Variants in APCDD1L observed in about 807,000 individuals in gnomAD.
APCDD1L encodes APC down-regulated 1 like.
APCDD1L carries 21 observed loss-of-function variants against 24.2 expected under a neutral mutation model. That is an observed-to-expected ratio of 0.87 (90% CI 0.61 to 1.25). The LOEUF is 1.25. APCDD1L is among the 50% of genes most tolerant of loss of function. The pLI is 0.00. For missense variants in APCDD1L, 704 were observed against 711.7 expected (o/e 0.99, Z 0.12); for synonymous variants, 321 against 323.6 (o/e 0.99, Z 0.09).
At chr20:58,487,534 T>C (rs1990143685) in intron 1 of APCDD1L, among the ~76,000 whole-genome samples, 1 of 152,132 alleles carries the variant, frequency 6.6e-6, no homozygotes, top group Non-Finnish European at 1.5e-5. Context: ...ACAGAGATTA[T>C]CTAATTGGAT....
chr20:58,467,264 C>T lies in APCDD1L; in HGVS notation c.583G>A (p.Glu195Lys), dbSNP rs1349639669. The T allele has an allele frequency of 5.1e-6, 8 of 1,575,828 alleles. No homozygotes were observed. Among genetic ancestry groups the T allele is most frequent in the East Asian group, 2.3e-5 (1 of 43,188 alleles). Residue 195 changes from glutamate to lysine, a missense_variant, in exon 3 of 4, where the codon GAG becomes AAG. Coordinates refer to ENST00000371149, the MANE Select transcript of APCDD1L (RefSeq NM_153360.3). The surrounding 1 kb of genome is among the most constrained non-coding windows in gnomAD (Gnocchi z 5.9). Reference sequence around the variant, plus strand: ...CGCTGCACGCGGACCAGGCTGAGCTCGTGCATGGTGAGGCCCAGCGCCTCC... The same window carrying T: ...CGCTGCACGCGGACCAGGCTGAGCTTGTGCATGGTGAGGCCCAGCGCCTCC... ...CLEALGLTMH[E>K]LSLVRVQRRL...
chr20:58,467,226 C>A lies in APCDD1L; in HGVS notation c.621G>T (p.Pro207=), dbSNP rs916247571. 3 of 1,596,242 alleles carry A rather than the reference C, an allele frequency of 1.9e-6. No homozygotes were observed. The highest frequency in any genetic ancestry group is 2.6e-6 in the Non-Finnish European group (3 of 1,176,354). Residue 207 remains proline (P), a synonymous_variant, in exon 3 of 4, where the codon CCG becomes CCT. Coordinates refer to ENST00000371149, the MANE Select transcript of APCDD1L (RefSeq NM_153360.3). This position sits in a 1 kb window ranked among gnomAD's most constrained non-coding sequence, Gnocchi z 5.9. ...CCAGCCGGGGCGACGCCCGGGGCTGCGGCTGCAGGCGGCGCTGCACGCGGA... is the reference window on the plus strand; with the variant it reads ...CCAGCCGGGGCGACGCCCGGGGCTGAGGCTGCAGGCGGCGCTGCACGCGGA... The part of the protein sequence containing the change: ...SLVRVQRRLQ[P]QPRASPRLVE...
chr20:58,499,700 C>T (rs1990394506), intron 1 of APCDD1L, among the ~76,000 whole-genome samples: 2 of 152,238 alleles, frequency 1.3e-5, no homozygotes, highest in South Asian at 4.1e-4. Context: ...AATGCCCCTT[C>T]ACACCCTGCT....
intron 3 of APCDD1L, among the ~76,000 whole-genome samples, chr20:58,465,107 C>T (rs1989683083): frequency 2.0e-5 from 3 of 152,178 alleles, no homozygotes; most frequent in Non-Finnish European, 2.9e-5. Flanking sequence ...GTCCTCTCTG[C>T]ATTCAGAGCA....
chr20:58,468,789 A>T (rs775010772), intron 2 of APCDD1L, among the ~76,000 whole-genome samples: 15 of 152,100 alleles, frequency 9.9e-5, no homozygotes, highest in Middle Eastern at 3.4e-3. Flanking sequence ...GCTGATTTTG[A>T]ACTCCTGACC....
rs1989717935 is a variant in APCDD1L, at chr20:58,467,010, G to A, written c.741+96C>T. 1.3e-5 allele frequency: 18 copies of A among 1,439,750 alleles called. No individual in the cohort carries two copies. Among genetic ancestry groups the A allele is most frequent in the Admixed American group, 2.4e-5 (1 of 41,712 alleles). The allele number at this position is 1,439,750 out of a possible 1,614,324, so 89.2% of individuals were successfully genotyped here. Reference sequence around the variant, plus strand: ...GACAGCCGGGCAGCCAGAGCCCTGGGCAGGCCCAGGTCTTGCAAAGCTGCG... The same window carrying A: ...GACAGCCGGGCAGCCAGAGCCCTGGACAGGCCCAGGTCTTGCAAAGCTGCG... On this transcript the variant is annotated intron_variant, in intron 3 of 3. Coordinates refer to ENST00000371149, the MANE Select transcript of APCDD1L (RefSeq NM_153360.3). The surrounding 1 kb of genome is among the most constrained non-coding windows in gnomAD (Gnocchi z 5.9).
intron 1 of APCDD1L, among the ~76,000 whole-genome samples, chr20:58,477,103 T>TTCTA (rs1487620790): frequency 2.0e-5 from 3 of 152,086 alleles, no homozygotes; most frequent in African/African-American, 7.2e-5. Flanking sequence ...GTAGAAAGAG[T>TTCTA]TCTAGTGTAT....
Position 58,508,098 on chromosome 20 carries a change from C to T in APCDD1L, c.49+6561G>A, listed in dbSNP as rs528860854. Reference sequence around the variant, plus strand: ...AGAATTTAGCAAACACACTTTGCCACGGCAATTCCACTGCTAGGTATTTCC... The same window carrying T: ...AGAATTTAGCAAACACACTTTGCCATGGCAATTCCACTGCTAGGTATTTCC... On this transcript the variant is annotated intron_variant, in intron 1 of 3. Coordinates refer to ENST00000371149, the MANE Select transcript of APCDD1L (RefSeq NM_153360.3). This position sits in a 1 kb window ranked among gnomAD's most constrained non-coding sequence, Gnocchi z 4.0. 6.0e-4 allele frequency among the ~76,000 whole-genome samples: 92 copies of T among 152,352 alleles called. No individual in the cohort carries two copies. The highest frequency in any genetic ancestry group is 2.0e-3 in the African/African-American group (83 of 41,588).
intron 1 of APCDD1L, among the ~76,000 whole-genome samples, chr20:58,492,872 A>C (rs1990246508): frequency 1.3e-5 from 2 of 151,934 alleles, no homozygotes; most frequent in Non-Finnish European, 1.5e-5. Flanking sequence ...ATGCACTCAC[A>C]CACAATGCAA....
At position 58,467,220 on chromosome 20, in the gene APCDD1L, G is replaced by A. The variant is rs1301419273; in HGVS notation, c.627C>T (p.Pro209=). Residue 209 remains proline, a synonymous_variant, in exon 3 of 4, where the codon CCC becomes CCT. Transcript: ENST00000371149. The surrounding 1 kb of genome is among the most constrained non-coding windows in gnomAD (Gnocchi z 5.9). ...CCTCCACCAGCCGGGGCGACGCCCG[G>A]GGCTGCGGCTGCAGGCGGCGCTGCA... ...VRVQRRLQPQ[P]RASPRLVEEL... is the part of the protein sequence containing the mutation. The A allele has an allele frequency of 1.2e-6, 2 of 1,601,348 alleles. No individual in the cohort carries two copies. Among genetic ancestry groups the A allele is most frequent in the Admixed American group, 1.7e-5 (1 of 59,756 alleles).
intron 2 of APCDD1L, among the ~76,000 whole-genome samples, chr20:58,468,682 C>T (rs1989761520): frequency 6.6e-6 from 1 of 152,174 alleles, no homozygotes; most frequent in African/African-American, 2.4e-5. Context: ...ATTCTCCTGC[C>T]TCAGTCTCCC....
Position 58,514,922 on chromosome 20 carries a change from C to T in APCDD1L, c.-215G>A. 5.3e-6 allele frequency: 2 copies of T among 379,830 alleles called. No individual in the cohort carries two copies. Among genetic ancestry groups the T allele is most frequent in the Non-Finnish European group, 9.3e-6 (2 of 216,124 alleles). The allele number at this position is 379,830 out of a possible 1,614,324, so 23.5% of individuals were successfully genotyped here. A position where few individuals can be genotyped will look rare whatever the true frequency, so the allele number is the denominator to read the frequency against. ...CGGAGCTGCGCACTCATAGGTCCAA[C>T]TTGCCAGAAGAGGTGGAGACAGCCC... On this transcript the variant is annotated 5_prime_UTR_variant, in exon 1 of 4. Coordinates refer to ENST00000371149, the MANE Select transcript of APCDD1L (RefSeq NM_153360.3).
chr20:58,503,029 G>A (rs1990470991), intron 1 of APCDD1L, among the ~76,000 whole-genome samples: 1 of 152,178 alleles, frequency 6.6e-6, no homozygotes, highest in Admixed American at 6.5e-5. Flanking sequence ...CCGGAAGTCA[G>A]GCTTCCCCTA....
At chr20:58,463,223 C>T (rs1346200368) in intron 3 of APCDD1L, among the ~76,000 whole-genome samples, 2 of 151,502 alleles carry the variant, frequency 1.3e-5, no homozygotes, top group Admixed American at 6.6e-5. Flanking sequence ...GTTGAAATCT[C>T]GTAAAGAGCT....
intron 1 of APCDD1L, among the ~76,000 whole-genome samples, chr20:58,514,247 G>A (rs1990691577): frequency 6.6e-6 from 1 of 152,118 alleles, no homozygotes; most frequent in South Asian, 2.1e-4. Context: ...AGGATTCCGT[G>A]GGCAAAAACA....
chr20:58,502,491 A>T (rs1990454489), intron 1 of APCDD1L, among the ~76,000 whole-genome samples: 1 of 152,228 alleles, frequency 6.6e-6, no homozygotes, highest in South Asian at 2.1e-4. Flanking sequence ...TGCCAGGCTC[A>T]TTTTGTTCCC....
intron 1 of APCDD1L, among the ~76,000 whole-genome samples, chr20:58,485,355 T>C (rs1035771711): frequency 6.6e-6 from 1 of 152,260 alleles, no homozygotes; most frequent in African/African-American, 2.4e-5. Context: ...CAAGAGTGCC[T>C]GTGTCCTTAG....
chr20:58,490,363 T>C (rs73915892), intron 1 of APCDD1L, among the ~76,000 whole-genome samples: 11,322 of 152,310 alleles, frequency 0.074, 461 homozygotes, highest in Admixed American at 0.082. Context: ...TTCTAGTGAT[T>C]GGTGCTGAGG....
At chr20:58,488,309 C>T (rs1247222204) in intron 1 of APCDD1L, among the ~76,000 whole-genome samples, 5 of 152,092 alleles carry the variant, frequency 3.3e-5, no homozygotes, top group Admixed American at 6.5e-5. Flanking sequence ...GTCTGAGACA[C>T]CCACTGGGGG....
Sources: allele counts gnomAD v4.1 joint callset (sites outside exome capture counted in the v4.1 genomes callset), GRCh38; gene constraint gnomAD v4.1.1; non-coding constraint Gnocchi (gnomAD v3.1); transcripts MANE v1.5; gene names NCBI Gene and HGNC (gene_info 2026-07-23, HGNC 2026-07-21).